TMEM179B: variants seen among roughly 807,000 people sequenced by gnomAD.
TMEM179B encodes transmembrane protein 179B.
In TMEM179B, 13 loss-of-function variants were observed where a neutral mutation model predicts 18.0. That is an observed-to-expected ratio of 0.72 (90% CI 0.47 to 1.15). TMEM179B has a LOEUF of 1.15. Ranked by LOEUF, TMEM179B falls within the 50% of genes most tolerant of loss-of-function variation. TMEM179B has a pLI of 0.00. For synonymous variants in TMEM179B, 159 were observed against 117.5 expected, an observed-to-expected ratio of 1.35 and a Z score of -2.29; for missense variants, 320 against 270.6, an observed-to-expected ratio of 1.18 and a Z score of -1.28.
chr11:62,787,435 G>A lies in TMEM179B; in HGVS notation c.4G>A (p.Ala2Thr), dbSNP rs374217510. 172 of 1,565,804 alleles carry A rather than the reference G, an allele frequency of 1.1e-4. 1 individual carries two copies. The Middle Eastern group carries it at 1.5e-3, about 14-fold the overall frequency. ...GCTTCCTGGTGGTCAGGGCGCCATG[G>A]CGCTGTCCTGGCTGCAGCGCGTCGA... M[A>T]LSWLQRVELA... Residue 2 changes from alanine to threonine, a missense_variant, in exon 1 of 5, where the codon GCG becomes ACG. By Grantham distance (58) the Ala-to-Thr change is moderately conservative. Transcript: ENST00000333449.
At position 62,790,191 on chromosome 11, in the gene TMEM179B, C is replaced by A; in HGVS notation, c.*144C>A. 3.4e-6 allele frequency: 3 copies of A among 874,530 alleles called. No individual in the cohort carries two copies. The highest frequency in any genetic ancestry group is 5.0e-6 in the Non-Finnish European group (3 of 596,074). 54.2% of individuals were successfully genotyped at this position (874,530 alleles called of 1,614,324 possible). On this transcript the variant is annotated 3_prime_UTR_variant, in exon 5 of 5. Coordinates refer to ENST00000333449, the MANE Select transcript of TMEM179B (RefSeq NM_199337.3). ...GGAAACATAATGACAGGCCCCCCTCCACCTCTTCCTGCAGCTGTTTTTGTA... is the reference window on the plus strand; with the variant it reads ...GGAAACATAATGACAGGCCCCCCTCAACCTCTTCCTGCAGCTGTTTTTGTA...
chr11:62,788,520 CG>C (rs1480672422), intron 1 of TMEM179B, among the ~76,000 whole-genome samples: 5 of 151,842 alleles, frequency 3.3e-5, no homozygotes, highest in Non-Finnish European at 7.4e-5. Context: ...CTGGCCAACA[CG>C]GTGAAACCCT....
At chr11:62,788,194 GGAGTTCGA>G (rs2084311607) in intron 1 of TMEM179B, among the ~76,000 whole-genome samples, 1 of 151,824 alleles carries the variant, frequency 6.6e-6, no homozygotes, top group East Asian at 1.9e-4. Context: ...CTTGAGGTCA[GGAGTTCGA>G]GACCAGCCTG....
chr11:62,789,135 CTGGCCTCT>C lies in TMEM179B; in HGVS notation c.215_222del (p.Leu72ProfsTer66). ...CTGTGCTACTTTGTAGCTGGGGCCT[CTGGCCTCT>C]TGGCCCTCTACTGCCTCCTGCTTTT... On this transcript the variant is annotated frameshift_variant, in exon 2 of 5. Transcript: ENST00000333449. LOFTEE classifies it high-confidence loss of function. 6.2e-7 allele frequency: 1 copy of C among 1,614,232 alleles called. No homozygotes were observed. Among genetic ancestry groups the C allele is most frequent in the Non-Finnish European group, 8.5e-7 (1 of 1,180,040 alleles).
In TMEM179B at chr11:62,787,633, G is replaced by A. The variant is rs552735554; in HGVS notation, c.96+106G>A. The A allele has an allele frequency of 3.8e-5, 52 of 1,364,520 alleles. No homozygotes were observed. In the Middle Eastern group the frequency reaches 1.9e-3, roughly 49 times the overall value. 84.5% of individuals were successfully genotyped at this position (1,364,520 alleles called of 1,614,324 possible). A position where few individuals can be genotyped will look rare whatever the true frequency, so the allele number is the denominator to read the frequency against. ...GGCTTGCTGCTGCTCGGAGCCGGTGGACCTGGTGAGGCACGGCTGGCGCCG... is the reference window on the plus strand; with the variant it reads ...GGCTTGCTGCTGCTCGGAGCCGGTGAACCTGGTGAGGCACGGCTGGCGCCG... On this transcript the variant is annotated intron_variant, in intron 1 of 4. Coordinates refer to ENST00000333449, the MANE Select transcript of TMEM179B (RefSeq NM_199337.3).
intron 3 of TMEM179B, 76 bp from the exon 4 acceptor site, chr11:62,789,525 C>T (rs2084333228): frequency 6.3e-7 from 1 of 1,584,942 alleles, no homozygotes; most frequent in East Asian, 2.2e-5. Flanking sequence ...GCTCTCAACT[C>T]ACAGGGCACT....
chr11:62,787,885 T>C, intron 1 of TMEM179B: 1 of 562,064 alleles, frequency 1.8e-6, no homozygotes, highest in South Asian at 1.5e-5. Context: ...TGTGCTGAGC[T>C]TTGTCGAGAA....
At chr11:62,788,817 A>G (rs2084322751) in intron 1 of TMEM179B, among the ~76,000 whole-genome samples, 1 of 151,992 alleles carries the variant, frequency 6.6e-6, no homozygotes. Context: ...TTCATTGCCT[A>G]TTTTCTGATC....
rs1265502903 is a variant in TMEM179B, at chr11:62,789,479, G to T, written c.419+53G>T. 10 of 1,611,318 alleles carry T rather than the reference G, an allele frequency of 6.2e-6. No individual in the cohort carries two copies. In the African/African-American group the frequency reaches 1.2e-4, roughly 19 times the overall value. Reference sequence around the variant, plus strand: ...TGGGGCTGACTACCTTCCCTCTGCAGCGGGGTCCTATAATTTCCTTTTATC... The same window carrying T: ...TGGGGCTGACTACCTTCCCTCTGCATCGGGGTCCTATAATTTCCTTTTATC... On this transcript the variant is annotated intron_variant, in intron 3 of 4. Coordinates refer to ENST00000333449, the MANE Select transcript of TMEM179B (RefSeq NM_199337.3).
chr11:62,789,192 G>C lies in TMEM179B; in HGVS notation c.266G>C (p.Cys89Ser). 2 of 1,614,206 alleles carry C rather than the reference G, an allele frequency of 1.2e-6. No homozygotes were observed. Among genetic ancestry groups the C allele is most frequent in the Non-Finnish European group, 1.7e-6 (2 of 1,180,030 alleles). The change falls in exon 2 of 5, where the codon TGC becomes TCC. Residue 89 changes from cysteine (C) to serine (S), a missense_variant. Coordinates refer to ENST00000333449, the MANE Select transcript of TMEM179B (RefSeq NM_199337.3). ...LLLLFWIYSS[C>S]IEDSHRGAIG... is the part of the protein sequence containing the mutation. ...TTGCTCTTCTGGATCTACAGCAGCT[G>C]CATCGAGGACTCCCACAGGTGACTG...
intron 1 of TMEM179B, 46 bp from the exon 2 acceptor site, chr11:62,788,977 A>AC: frequency 1.3e-6 from 2 of 1,565,492 alleles, no homozygotes; most frequent in Non-Finnish European, 1.7e-6. Flanking sequence ...GACTGTATCT[A>AC]GAGACATTAA....
Position 62,787,524 on chromosome 11 carries a change from C to G in TMEM179B, c.93C>G (p.Thr31=), listed in dbSNP as rs751944660. ...GAVAAAAMTR[T]QGSFSGRCPL... is the part of the protein sequence containing the mutation. ...TGGCGGCCGCGGCGATGACTCGGAC[C>G]CAGGTGCGGCTGCGGGGCGGGGTCA... The change falls in exon 1 of 5, where the codon ACC becomes ACG. Residue 31 remains threonine (T), a synonymous_variant. Transcript: ENST00000333449. 6.4e-7 allele frequency: 1 copy of G among 1,568,630 alleles called. No individual in the cohort carries two copies. The highest frequency in any genetic ancestry group is 1.4e-5 in the African/African-American group (1 of 73,668).
At position 62,789,365 on chromosome 11, in the gene TMEM179B, A is replaced by G; in HGVS notation, c.358A>G (p.Ile120Val). Residue 120 changes from isoleucine to valine, a missense_variant, in exon 3 of 5, where the codon ATC (isoleucine) becomes GTC (valine). Coordinates refer to ENST00000333449, the MANE Select transcript of TMEM179B (RefSeq NM_199337.3). ...AVFLVLVSAC[I>V]LRFGTRSLCN... ...CTTCCTGGTCTTGGTGTCTGCCTGT[A>G]TCCTTCGATTTGGCACCAGGTCTCT... 10 of 1,613,776 alleles carry G rather than the reference A, an allele frequency of 6.2e-6. No individual in the cohort carries two copies. Among genetic ancestry groups the G allele is most frequent in the Non-Finnish European group, 8.5e-6 (10 of 1,179,950 alleles).
intron 1 of TMEM179B, chr11:62,787,986 A>G: frequency 2.1e-6 from 1 of 465,292 alleles, no homozygotes; most frequent in Non-Finnish European, 4.3e-6. Flanking sequence ...GAAAACGCTG[A>G]CGTAAAGGTA....
chr11:62,790,176 T>A lies in TMEM179B; in HGVS notation c.*129T>A. The A allele has an allele frequency of 1.9e-6, 2 of 1,034,516 alleles. No individual in the cohort carries two copies. The highest frequency in any genetic ancestry group is 1.7e-5 in the South Asian group (1 of 57,152). 64.1% of individuals were successfully genotyped at this position (1,034,516 alleles called of 1,614,324 possible). ...GTTGGGGGGTGGGGGGGAAACATAA[T>A]GACAGGCCCCCCTCCACCTCTTCCT... is the stretch of plus-strand genomic sequence containing the variant. On this transcript the variant is annotated 3_prime_UTR_variant, in exon 5 of 5. Coordinates refer to ENST00000333449, the MANE Select transcript of TMEM179B (RefSeq NM_199337.3).
At position 62,789,063 on chromosome 11, in the gene TMEM179B, C is replaced by T. The variant is rs1254242558; in HGVS notation, c.137C>T (p.Thr46Ile). Residue 46 changes from threonine (T) to isoleucine (I), a missense_variant, in exon 2 of 5, where the codon ACC becomes ATC. Coordinates refer to ENST00000333449, the MANE Select transcript of TMEM179B (RefSeq NM_199337.3). ...SGRCPLYGVATLNGSSLALSR... is the reference protein window; with the variant it reads ...SGRCPLYGVAILNGSSLALSR... ...AGATGTCCCCTGTATGGTGTGGCCA[C>T]CCTGAATGGCTCCTCCCTGGCCTTA... 2 of 1,614,080 alleles carry T rather than the reference C, an allele frequency of 1.2e-6. No homozygotes were observed. The highest frequency in any genetic ancestry group is 2.7e-5 in the African/African-American group (2 of 74,934).
Position 62,789,965 on chromosome 11 carries a change from C to T in TMEM179B, c.578C>T (p.Pro193Leu), listed in dbSNP as rs775801031. Residue 193 changes from proline (P) to leucine (L), a missense_variant, in exon 5 of 5, where the codon CCA becomes CTA. Coordinates refer to ENST00000333449, the MANE Select transcript of TMEM179B (RefSeq NM_199337.3). ...GTGCAGTGGAAGTCTGAAGCCACCC[C>T]ATACCGGCCTCTGGAGAGGGGTGAC... ...QVVQWKSEAT[P>L]YRPLERGDPE... 3.7e-6 allele frequency: 6 copies of T among 1,614,028 alleles called. No individual in the cohort carries two copies. In the African/African-American group the frequency reaches 4.0e-5, roughly 11 times the overall value.
intron 3 of TMEM179B, 24 bp downstream of exon 3, chr11:62,789,450 T>C (rs1166224532): frequency 1.2e-6 from 2 of 1,613,520 alleles, no homozygotes; most frequent in South Asian, 2.2e-5. Flanking sequence ...GAGGGAAGCC[T>C]GGCTGGGGCT....
chr11:62,790,153 T>TG lies in TMEM179B; in HGVS notation c.*112dup. 2.1e-6 allele frequency: 1 copy of TG among 482,488 alleles called. No homozygotes were observed. The highest frequency in any genetic ancestry group is 3.3e-6 in the Non-Finnish European group (1 of 305,346). 29.9% of individuals were successfully genotyped at this position (482,488 alleles called of 1,614,324 possible). On this transcript the variant is annotated 3_prime_UTR_variant, in exon 5 of 5. Transcript: ENST00000333449. Reference sequence around the variant, plus strand: ...TTGGGAGTCTTAGTTTTCCTTTCGTTGGGGGGTGGGGGGGAAACATAATGA... The same window carrying TG: ...TTGGGAGTCTTAGTTTTCCTTTCGTTGGGGGGGTGGGGGGGAAACATAATGA...
Sources: allele counts gnomAD v4.1 joint callset (sites outside exome capture counted in the v4.1 genomes callset), GRCh38; gene constraint gnomAD v4.1.1; transcripts MANE v1.5; gene names NCBI Gene and HGNC (gene_info 2026-07-23, HGNC 2026-07-21).